The following DLGAP2 variants were observed in gnomAD, a reference collection of about 807,000 sequenced individuals.
DLGAP2 encodes DLG associated protein 2.
DLGAP2 carries 26 observed loss-of-function variants against 100.3 expected under a neutral mutation model. That is an observed-to-expected ratio of 0.26 (90% CI 0.19 to 0.36). The LOEUF is 0.36. DLGAP2 is among the 10% of genes least tolerant of loss of function. The pLI is 1.00. For missense variants in DLGAP2, 1,858 were observed against 1,453.2 expected (o/e 1.28, Z -4.53); for synonymous variants, 886 against 630.1 (o/e 1.41, Z -6.08).
At chr8:1,592,884 G>A (rs1396513302) in intron 6 of DLGAP2, among the ~76,000 whole-genome samples, 1 of 152,124 alleles carries the variant, frequency 6.6e-6, no homozygotes, top group African/African-American at 2.4e-5. Flanking sequence ...AGTTACACTA[G>A]CATTTTAGTT....
chr8:1,263,442 C>G (rs918129713), intron 3 of DLGAP2, among the ~76,000 whole-genome samples: 6 of 152,150 alleles, frequency 3.9e-5, no homozygotes, highest in African/African-American at 1.4e-4. Flanking sequence ...GGAAGACATA[C>G]AGAATCCTAT....
intron 3 of DLGAP2, among the ~76,000 whole-genome samples, chr8:1,440,453 C>T (rs990097255): frequency 5.9e-5 from 9 of 152,210 alleles, no homozygotes; most frequent in African/African-American, 2.2e-4. Flanking sequence ...ACGGCCCACC[C>T]TGCCCGAATG....
At chr8:1,539,679 A>T (rs183341387) in intron 4 of DLGAP2, among the ~76,000 whole-genome samples, 60 of 150,396 alleles carry the variant, frequency 4.0e-4, no homozygotes, top group Non-Finnish European at 6.8e-4. Context: ...CCCTCTCCAG[A>T]CTCCACTTTC....
intron 2 of DLGAP2, among the ~76,000 whole-genome samples, chr8:1,166,363 A>G (rs1210844473): frequency 6.6e-6 from 1 of 152,206 alleles, no homozygotes; most frequent in Admixed American, 6.5e-5. Flanking sequence ...CTCCTTGAAG[A>G]TGTAACCAGG....
intron 1 of DLGAP2, among the ~76,000 whole-genome samples, chr8:808,345 C>G (rs1359345279): frequency 2.0e-5 from 3 of 152,140 alleles, no homozygotes; most frequent in Non-Finnish European, 2.9e-5. Flanking sequence ...TAGAAAGATG[C>G]CTGAAGTTCG....
At chr8:1,618,669 C>T (rs1395039246) in intron 6 of DLGAP2, among the ~76,000 whole-genome samples, 1 of 152,196 alleles carries the variant, frequency 6.6e-6, no homozygotes, top group Non-Finnish European at 1.5e-5. Flanking sequence ...CTAATCGGGA[C>T]AGTGTGATAT....
intron 1 of DLGAP2, among the ~76,000 whole-genome samples, chr8:804,101 A>G (rs902496643): frequency 6.6e-6 from 1 of 152,172 alleles, no homozygotes; most frequent in African/African-American, 2.4e-5. Flanking sequence ...ATTAAGCACT[A>G]GGATATCCCA....
At chr8:958,968 T>C (rs748403745) in intron 2 of DLGAP2, among the ~76,000 whole-genome samples, 22 of 152,220 alleles carry the variant, frequency 1.4e-4, no homozygotes, top group African/African-American at 2.4e-4. Flanking sequence ...TTTTGAAGCA[T>C]TGATGCTGAA....
At chr8:1,140,163 C>A (rs569768518) in intron 2 of DLGAP2, among the ~76,000 whole-genome samples, 1 of 152,166 alleles carries the variant, frequency 6.6e-6, no homozygotes, top group Non-Finnish European at 1.5e-5. Flanking sequence ...CTTGGCCAGG[C>A]CCATGTCGTA....
intron 3 of DLGAP2, among the ~76,000 whole-genome samples, chr8:1,267,912 A>T (rs528464141): frequency 2.6e-5 from 4 of 152,168 alleles, no homozygotes; most frequent in Non-Finnish European, 5.9e-5. Context: ...TTTTGAATCA[A>T]ATACATAAAG....
chr8:1,294,551 G>A (rs1800128279), intron 3 of DLGAP2, among the ~76,000 whole-genome samples: 1 of 152,214 alleles, frequency 6.6e-6, no homozygotes, highest in South Asian at 2.1e-4. Flanking sequence ...AGCGAGGATG[G>A]TGTGGCGTCC....
At position 1,633,094 on chromosome 8, in the gene DLGAP2, A is replaced by G. The variant is rs199517016; in HGVS notation, c.1810+48A>G. The G allele has an allele frequency of 1.6e-4, 251 of 1,590,108 alleles. 1 individual carries two copies. The African/African-American group carries it at 2.9e-3, about 18-fold the overall frequency. On this transcript the variant is annotated intron_variant, in intron 8 of 14. Coordinates refer to ENST00000637795, the MANE Select transcript of DLGAP2 (RefSeq NM_001346810.2). ...CTTCCAGCGGGGACTCTAGAGGCAT[A>G]CCTGTCTTCATCCTAGAAGGAGCGA...
chr8:866,975 T>C (rs1226997200), intron 1 of DLGAP2, among the ~76,000 whole-genome samples: 1 of 152,170 alleles, frequency 6.6e-6, no homozygotes, highest in Non-Finnish European at 1.5e-5. Context: ...TGCCTTGTGC[T>C]GGGGTTTGTT....
chr8:1,100,181 C>T (rs755203048), intron 2 of DLGAP2, among the ~76,000 whole-genome samples: 2 of 146,104 alleles, frequency 1.4e-5, no homozygotes, highest in Non-Finnish European at 3.0e-5. Flanking sequence ...GTAGGGAAAA[C>T]CTTTGTCCAG....
chr8:1,658,769 T>A (rs1200774282), intron 8 of DLGAP2, among the ~76,000 whole-genome samples: 1 of 152,208 alleles, frequency 6.6e-6, no homozygotes, highest in African/African-American at 2.4e-5. Context: ...GGTCCATGTA[T>A]TTTGTTGATC....
chr8:1,010,338 T>C (rs1584971418), intron 2 of DLGAP2, among the ~76,000 whole-genome samples: 1 of 150,508 alleles, frequency 6.6e-6, no homozygotes, highest in Admixed American at 6.6e-5. Flanking sequence ...TGTGCCCACA[T>C]ATGCACACAC....
chr8:1,663,731 A>C (rs1385656252), intron 8 of DLGAP2, among the ~76,000 whole-genome samples: 1 of 152,156 alleles, frequency 6.6e-6, no homozygotes, highest in East Asian at 1.9e-4. Context: ...ACTCAACTGC[A>C]GGGAGTGGTA....
chr8:1,647,367 T>G (rs1369024857), intron 8 of DLGAP2, among the ~76,000 whole-genome samples: 2 of 151,496 alleles, frequency 1.3e-5, no homozygotes, highest in African/African-American at 4.8e-5. Context: ...TGGGTGCCTG[T>G]AGTCCCAGCT....
At chr8:1,358,786 G>A (rs114863141) in intron 3 of DLGAP2, among the ~76,000 whole-genome samples, 1,672 of 152,192 alleles carry the variant, frequency 0.011, 33 homozygotes, top group African/African-American at 0.038. Context: ...GGGGCTGGGC[G>A]GCCTGGAACC....
Sources: allele counts gnomAD v4.1 joint callset (sites outside exome capture counted in the v4.1 genomes callset), GRCh38; gene constraint gnomAD v4.1.1; transcripts MANE v1.5; gene names NCBI Gene and HGNC (gene_info 2026-07-23, HGNC 2026-07-21).